The following FIG4 variants were observed in gnomAD, a reference collection of about 807,000 sequenced individuals.
FIG4 encodes FIG4 phosphoinositide 5-phosphatase.
Under a neutral mutation model 118.6 loss-of-function variants are expected in FIG4, and 112 were observed. The observed-to-expected ratio is 0.94, with a 90% CI of 0.81 to 1.11. The LOEUF (loss-of-function observed/expected upper bound fraction) is 1.11. Ranked by LOEUF, FIG4 falls within the 50% of genes least tolerant of loss-of-function variation. The pLI is 0.00. For synonymous variants in FIG4, 369 were observed against 381.2 expected, an observed-to-expected ratio of 0.97 and a Z score of 0.37; for missense variants, 969 against 1,111.7, an observed-to-expected ratio of 0.87 and a Z score of 1.83.
At chr6:109,801,908 G>T (rs1369940781) in intron 22 of FIG4, among the ~76,000 whole-genome samples, 1 of 152,220 alleles carries the variant, frequency 6.6e-6, no homozygotes, top group African/African-American at 2.4e-5. Flanking sequence ...TGTGCAGCAA[G>T]CTGAATAAGT....
intron 6 of FIG4, among the ~76,000 whole-genome samples, chr6:109,736,720 G>A (rs1026287489): frequency 2.6e-5 from 4 of 152,132 alleles, no homozygotes; most frequent in Non-Finnish European, 5.9e-5. Flanking sequence ...ATAACAGGGT[G>A]TATTAGTTTC....
intron 2 of FIG4, 21 bp downstream of exon 2, chr6:109,715,197 A>C: frequency 7.5e-7 from 1 of 1,334,562 alleles, no homozygotes; most frequent in Non-Finnish European, 1.1e-6. Context: ...TCCAAACCTG[A>C]CTGCAAAAAA....
At chr6:109,731,882 G>A (rs1022191897) in intron 4 of FIG4, among the ~76,000 whole-genome samples, 2 of 152,014 alleles carry the variant, frequency 1.3e-5, no homozygotes, top group African/African-American at 4.8e-5. Flanking sequence ...AACTTTCAAC[G>A]TAACTAGGTT....
At chr6:109,738,275 T>C in intron 6 of FIG4, 50 bp from the exon 7 acceptor site, 1 of 1,480,140 alleles carries the variant, frequency 6.8e-7, no homozygotes, top group African/African-American at 1.4e-5. Flanking sequence ...TTTTAATTGA[T>C]ACAAAATATT....
Position 109,822,787 on chromosome 6 carries a change from G to GTATATA in FIG4, c.2547-2265_2547-2260dup, listed in dbSNP as rs10523453. Among the ~76,000 whole-genome samples the GTATATA allele has an allele frequency of 5.3e-3, 639 of 120,086 alleles. 2 individuals carry two copies. The highest frequency in any genetic ancestry group is 0.011 in the African/African-American group (347 of 31,192). 78.8% of individuals were successfully genotyped at this position (120,086 alleles called of 152,430 possible). Reference sequence around the variant, plus strand: ...TGTATATATATGTGTGTGTGTGTATGTATATATATATATATATATATATAT... The same window carrying GTATATA: ...TGTATATATATGTGTGTGTGTGTATGTATATATATATATATATATATATATATATAT... On this transcript the variant is annotated intron_variant, in intron 22 of 22. Coordinates refer to ENST00000230124, the MANE Select transcript of FIG4 (RefSeq NM_014845.6).
At position 109,776,772 on chromosome 6, in the gene FIG4, A is replaced by G. The variant is rs555547512; in HGVS notation, c.1751-150A>G. The G allele has an allele frequency of 1.0e-4, 65 of 638,598 alleles. No homozygotes were observed. In the African/African-American group the frequency reaches 1.1e-3, roughly 11 times the overall value. The allele number at this position is 638,598 out of a possible 1,614,324, so 39.6% of individuals were successfully genotyped here. On this transcript the variant is annotated intron_variant, in intron 15 of 22. Transcript: ENST00000230124. The stretch of plus-strand genomic sequence containing the variant: ...TTTTAATTCTGCTCCAAATCTTGGT[A>G]ACTTATGTGTGTGTGTATGAAGTAT...
At chr6:109,737,985 C>T (rs575516916) in intron 6 of FIG4, among the ~76,000 whole-genome samples, 8 of 152,256 alleles carry the variant, frequency 5.3e-5, no homozygotes, top group East Asian at 1.9e-4. Flanking sequence ...TGTGCTCAAC[C>T]GCTACTTCCT....
chr6:109,782,385 A>G (rs941848858), intron 16 of FIG4, among the ~76,000 whole-genome samples: 4 of 152,220 alleles, frequency 2.6e-5, no homozygotes, highest in South Asian at 4.1e-4. Context: ...GACTCACCCA[A>G]AAGACTTGGA....
intron 1 of FIG4, among the ~76,000 whole-genome samples, chr6:109,707,344 TATATAC>T (rs1775108627): frequency 8.3e-6 from 1 of 119,980 alleles, no homozygotes; most frequent in South Asian, 2.6e-4. Flanking sequence ...TATATATACA[TATATAC>T]ATACATATAT....
intron 8 of FIG4, among the ~76,000 whole-genome samples, chr6:109,742,572 A>G (rs932821807): frequency 6.6e-6 from 1 of 152,130 alleles, no homozygotes; most frequent in African/African-American, 2.4e-5. Context: ...TTTTGCAGCT[A>G]TATTATTTAC....
chr6:109,698,116 C>G (rs1774789159), intron 1 of FIG4, among the ~76,000 whole-genome samples: 1 of 151,856 alleles, frequency 6.6e-6, no homozygotes, highest in Non-Finnish European at 1.5e-5. Context: ...TCTCGAACTT[C>G]TGACCTTGTG....
rs141116831 is a variant in FIG4, at chr6:109,735,187, C to G, written c.535C>G (p.Leu179Val). The G allele has an allele frequency of 6.2e-6, 10 of 1,612,862 alleles. No individual in the cohort carries two copies. The highest frequency in any genetic ancestry group is 8.5e-6 in the Non-Finnish European group (10 of 1,178,992). Residue 179 changes from leucine (L) to valine (V), a missense_variant, in exon 6 of 23, where the codon CTC (leucine) becomes GTC (valine). Around this residue, in one of 3 missense-constraint regions of FIG4, gnomAD observed 393 missense variants for 409.4 expected, o/e 0.96. Transcript: ENST00000230124. Reference sequence around the variant, plus strand: ...TTTGTCCCACTCACTTCAATATAATCTCACTGTCTTGCGAATGCCCCTGGA... The same window carrying G: ...TTTGTCCCACTCACTTCAATATAATGTCACTGTCTTGCGAATGCCCCTGGA... ...YDLSHSLQYN[L>V]TVLRMPLEML... is the part of the protein sequence containing the mutation.
intron 10 of FIG4, among the ~76,000 whole-genome samples, chr6:109,745,134 C>T (rs1297042336): frequency 5.3e-5 from 8 of 152,006 alleles, no homozygotes; most frequent in Non-Finnish European, 1.5e-5. Context: ...TAGAATGATT[C>T]ATAATCCTTT....
intron 16 of FIG4, among the ~76,000 whole-genome samples, chr6:109,778,186 C>T (rs930927372): frequency 3.3e-5 from 5 of 151,896 alleles, no homozygotes; most frequent in Admixed American, 1.3e-4. Context: ...CCAGGCCGGG[C>T]GTGGTGGCTC....
chr6:109,713,855 G>C (rs1391763662), intron 1 of FIG4, among the ~76,000 whole-genome samples: 1 of 152,102 alleles, frequency 6.6e-6, no homozygotes, highest in Non-Finnish European at 1.5e-5. Context: ...GACACCTAAG[G>C]CTTCCCTGCA....
rs145884448 is a variant in FIG4, at chr6:109,692,163, G to C, written c.66+662G>C. 6.9e-3 allele frequency among the ~76,000 whole-genome samples: 1,047 copies of C among 152,278 alleles called. 13 individuals are homozygous for C. Among genetic ancestry groups the C allele is most frequent in the African/African-American group, 0.024 (1,012 of 41,552 alleles). The stretch of plus-strand genomic sequence containing the variant: ...AGATCAGTTTGTATTTCGATTACCA[G>C]TTCCTCAATTAAGGGAGAATGGTGT... On this transcript the variant is annotated intron_variant, in intron 1 of 22. Transcript: ENST00000230124.
At chr6:109,699,508 T>TG (rs1379362785) in intron 1 of FIG4, among the ~76,000 whole-genome samples, 2 of 151,448 alleles carry the variant, frequency 1.3e-5, no homozygotes, top group African/African-American at 4.9e-5. Flanking sequence ...GTTTTTTTTT[T>TG]GTTTTTTTTT....
chr6:109,778,660 G>T (rs371783445), intron 16 of FIG4, among the ~76,000 whole-genome samples: 1 of 151,818 alleles, frequency 6.6e-6, no homozygotes, highest in African/African-American at 2.4e-5. Context: ...GTGCAGTGGC[G>T]CGATCTCAGC....
At chr6:109,703,845 T>C (rs1249216333) in intron 1 of FIG4, among the ~76,000 whole-genome samples, 1 of 152,218 alleles carries the variant, frequency 6.6e-6, no homozygotes, top group Non-Finnish European at 1.5e-5. Flanking sequence ...GTCCACCTCG[T>C]GCTGGGGTTT....
Sources: allele counts gnomAD v4.1 joint callset (sites outside exome capture counted in the v4.1 genomes callset), GRCh38; gene constraint gnomAD v4.1.1; regional missense constraint gnomAD v4.1.1; transcripts MANE v1.5; gene names NCBI Gene and HGNC (gene_info 2026-07-23, HGNC 2026-07-21).